Variants in PTCHD4 observed in about 807,000 individuals in gnomAD.
PTCHD4 encodes patched domain-containing protein 4.
Under a neutral mutation model 58.1 loss-of-function variants are expected in PTCHD4, and 33 were observed. The ratio of observed to expected loss-of-function variants is 0.57; its 90% CI spans 0.43 to 0.76. The LOEUF (loss-of-function observed/expected upper bound fraction) is 0.76, where lower values mean the gene tolerates loss of function less well. Among genes scored for constraint, PTCHD4 ranks in the 30% least tolerant of loss-of-function variants. PTCHD4 has a pLI of 0.00. For missense variants in PTCHD4, 1,058 were observed against 1,027.1 expected (o/e 1.03, Z -0.41); for synonymous variants, 478 against 409.6 (o/e 1.17, Z -2.02).
In PTCHD4 at chr6:47,871,709, T is replaced by C; in HGVS notation, c.*6594A>G. 6.6e-6 allele frequency among the ~76,000 whole-genome samples: 1 copy of C among 151,716 alleles called. No individual in the cohort carries two copies. The highest frequency in any genetic ancestry group is 1.9e-4 in the East Asian group (1 of 5,154). ...TAATATATTGCCATTTAATCAAAGATTGCATGCCATTTTGTCTTTAAATAC... is the reference window on the plus strand; with the variant it reads ...TAATATATTGCCATTTAATCAAAGACTGCATGCCATTTTGTCTTTAAATAC... On this transcript the variant is annotated 3_prime_UTR_variant, in exon 5 of 5. Transcript: ENST00000339488.
chr6:48,104,234 C>T (rs187424047), intron 1 of PTCHD4, among the ~76,000 whole-genome samples: 32 of 152,306 alleles, frequency 2.1e-4, no homozygotes, highest in Admixed American at 1.7e-3. Flanking sequence ...GGAAGCCCAT[C>T]AGACTAACAG....
At chr6:48,075,352 T>G (rs958290648) in intron 1 of PTCHD4, among the ~76,000 whole-genome samples, 1 of 152,068 alleles carries the variant, frequency 6.6e-6, no homozygotes, top group African/African-American at 2.4e-5. Context: ...GAATCATAAG[T>G]ATGGAATTTT....
intron 4 of PTCHD4, among the ~76,000 whole-genome samples, chr6:47,930,259 C>G (rs889453608): frequency 6.6e-6 from 1 of 152,140 alleles, no homozygotes; most frequent in African/African-American, 2.4e-5. Flanking sequence ...TACACCTAAG[C>G]ATTCAGCTAC....
intron 3 of PTCHD4, among the ~76,000 whole-genome samples, chr6:48,011,058 C>T (rs986682041): frequency 2.0e-5 from 3 of 152,150 alleles, no homozygotes; most frequent in Admixed American, 6.6e-5. Context: ...TGTGTCTTTA[C>T]AGCAGAATGA....
intron 3 of PTCHD4, among the ~76,000 whole-genome samples, chr6:48,014,894 G>GGAGC: frequency 6.6e-6 from 1 of 152,184 alleles, no homozygotes; most frequent in South Asian, 2.1e-4. Context: ...GAGTCCTAGG[G>GGAGC]GAGCGATTTC....
chr6:48,006,441 C>G (rs1762441224), intron 4 of PTCHD4, among the ~76,000 whole-genome samples: 1 of 152,146 alleles, frequency 6.6e-6, no homozygotes, highest in African/African-American at 2.4e-5. Flanking sequence ...ATTAGTTCAT[C>G]AGCAGTTTTA....
chr6:47,902,953 G>C (rs771764981), intron 4 of PTCHD4, among the ~76,000 whole-genome samples: 1 of 152,194 alleles, frequency 6.6e-6, no homozygotes, highest in Non-Finnish European at 1.5e-5. Flanking sequence ...GGTCTGGTTA[G>C]CACAGATAAT....
chr6:48,098,996 C>T (rs1424843967), intron 1 of PTCHD4, among the ~76,000 whole-genome samples: 2 of 152,134 alleles, frequency 1.3e-5, no homozygotes, highest in Non-Finnish European at 2.9e-5. Flanking sequence ...ATGACAAGCT[C>T]AGAACCTCTA....
At chr6:47,902,090 T>C (rs1052081880) in intron 4 of PTCHD4, among the ~76,000 whole-genome samples, 1 of 152,218 alleles carries the variant, frequency 6.6e-6, no homozygotes, top group South Asian at 2.1e-4. Flanking sequence ...TGTCTGATTC[T>C]GGGTGAATCA....
intron 4 of PTCHD4, among the ~76,000 whole-genome samples, chr6:47,888,626 T>C (rs1581831260): frequency 1.3e-5 from 2 of 151,960 alleles, no homozygotes; most frequent in Admixed American, 6.5e-5. Context: ...ATTTATTTTG[T>C]AGTTTTTTGT....
In PTCHD4 at chr6:47,875,614, C is replaced by A. The variant is rs942062150; in HGVS notation, c.*2689G>T. On this transcript the variant is annotated 3_prime_UTR_variant, in exon 5 of 5. Coordinates refer to ENST00000339488, the MANE Select transcript of PTCHD4 (RefSeq NM_001384253.1). ...TGTTCCTTCCAAAATGCCCTCTAGTCACTCGAACAATGAGAAATTCATATT... is the reference window on the plus strand; with the variant it reads ...TGTTCCTTCCAAAATGCCCTCTAGTAACTCGAACAATGAGAAATTCATATT... 9.2e-5 allele frequency among the ~76,000 whole-genome samples: 14 copies of A among 151,914 alleles called. No homozygotes were observed. Among genetic ancestry groups the A allele is most frequent in the African/African-American group, 3.1e-4 (13 of 41,496 alleles).
At chr6:47,949,097 G>A (rs536678918) in intron 4 of PTCHD4, among the ~76,000 whole-genome samples, 285 of 152,324 alleles carry the variant, frequency 1.9e-3, no homozygotes, top group Middle Eastern at 3.4e-3. Flanking sequence ...AGATCACGAA[G>A]AGGATATGAA....
chr6:48,088,022 A>G lies in PTCHD4; in HGVS notation c.-969-18096T>C, dbSNP rs536394912. The stretch of plus-strand genomic sequence containing the variant: ...ACCCAATTGGCTGCAGTAAAGTAAG[A>G]CTGTAGCCATAATTTTATTTCAAAA... On this transcript the variant is annotated intron_variant, in intron 1 of 4. Coordinates refer to ENST00000339488, the MANE Select transcript of PTCHD4 (RefSeq NM_001384253.1). 5.9e-5 allele frequency among the ~76,000 whole-genome samples: 9 copies of G among 152,282 alleles called. 1 individual carries two copies. In the South Asian group the frequency reaches 1.9e-3, roughly 32 times the overall value.
At chr6:48,014,307 T>C (rs565469367) in intron 3 of PTCHD4, among the ~76,000 whole-genome samples, 408 of 152,236 alleles carry the variant, frequency 2.7e-3, no homozygotes, top group African/African-American at 9.4e-3. Context: ...TTGTAAGGGA[T>C]TATAGAAGAG....
chr6:48,069,468 A>C lies in PTCHD4; in HGVS notation c.-511T>G, dbSNP rs140125144. 2.4e-4 allele frequency among the ~76,000 whole-genome samples: 36 copies of C among 152,220 alleles called. No homozygotes were observed. The highest frequency in any genetic ancestry group is 7.9e-4 in the African/African-American group (33 of 41,544). On this transcript the variant is annotated 5_prime_UTR_variant, in exon 2 of 5. Transcript: ENST00000339488. ...GCGAAGAAAAGGAGCAGAGAGGATG[A>C]TGCTGCATTTTTAACACACCACACA...
chr6:47,865,016 G>T lies in PTCHD4; in HGVS notation c.*13287C>A, dbSNP rs911807045. Among the ~76,000 whole-genome samples, 4 of 151,866 alleles carry T rather than the reference G, an allele frequency of 2.6e-5. No homozygotes were observed. Among genetic ancestry groups the T allele is most frequent in the Non-Finnish European group, 2.9e-5 (2 of 67,882 alleles). ...TGATTGTGGGAGGAACAGTGATCTT[G>T]TTTCTAAGCATAAATCACCTGAACT... On this transcript the variant is annotated 3_prime_UTR_variant, in exon 5 of 5. Transcript: ENST00000339488.
intron 3 of PTCHD4, among the ~76,000 whole-genome samples, chr6:48,038,624 C>G (rs895116908): frequency 7.3e-6 from 1 of 137,894 alleles, no homozygotes; most frequent in Non-Finnish European, 1.5e-5. Context: ...AAGATCATGG[C>G]ACTGCATTCC....
At chr6:48,002,126 G>A (rs1302172412) in intron 4 of PTCHD4, among the ~76,000 whole-genome samples, 1 of 152,196 alleles carries the variant, frequency 6.6e-6, no homozygotes, top group Non-Finnish European at 1.5e-5. Flanking sequence ...TGCTGGAGAG[G>A]ATGTGGAGAA....
At position 48,069,190 on chromosome 6, in the gene PTCHD4, T is replaced by TGG. The variant is rs1285804611; in HGVS notation, c.-235_-234dup. Among the ~76,000 whole-genome samples, 25 of 16,108 alleles carry TGG rather than the reference T, an allele frequency of 1.6e-3. 1 individual carries two copies. Among genetic ancestry groups the TGG allele is most frequent in the African/African-American group, 3.9e-3 (14 of 3,632 alleles). 10.6% of individuals were successfully genotyped at this position (16,108 alleles called of 152,430 possible). Reference sequence around the variant, plus strand: ...AGGAGGGAGAAGGGCGGGAGCACGTTGGGGGTGGGGGGGCAGATAAGCTTT... The same window carrying TGG: ...AGGAGGGAGAAGGGCGGGAGCACGTTGGGGGGGTGGGGGGGCAGATAAGCTTT... On this transcript the variant is annotated 5_prime_UTR_variant, in exon 2 of 5. It removes the in-frame stop codon of an upstream open reading frame in the 5' UTR. Transcript: ENST00000339488.
Sources: allele counts gnomAD v4.1 joint callset (sites outside exome capture counted in the v4.1 genomes callset), GRCh38; gene constraint gnomAD v4.1.1; transcripts MANE v1.5; gene names NCBI Gene and HGNC (gene_info 2026-07-23, HGNC 2026-07-21).